SEPTIN7: variants seen among roughly 807,000 people sequenced by gnomAD.
SEPTIN7 encodes septin-7.
SEPTIN7 carries 10 observed loss-of-function variants against 63.3 expected under a neutral mutation model. That is an observed-to-expected ratio of 0.16 (90% confidence interval 0.10 to 0.27). SEPTIN7 has a LOEUF of 0.27. Among genes scored for constraint, SEPTIN7 ranks in the 10% least tolerant of loss-of-function variants. The pLI is 1.00. For synonymous variants in SEPTIN7, 131 were observed against 165.3 expected (o/e 0.79, Z 1.59); for missense variants, 310 against 521.0 (o/e 0.59, Z 3.94).
At chr7:35,810,390 C>A (rs1249907339) in intron 1 of SEPTIN7, among the ~76,000 whole-genome samples, 1 of 149,134 alleles carries the variant, frequency 6.7e-6, no homozygotes, top group Non-Finnish European at 1.5e-5. Flanking sequence ...GTGGCGCGAT[C>A]TCAGCTCATT....
chr7:35,908,182 C>T (rs984856477), downstream of SEPTIN7, among the ~76,000 whole-genome samples: 12 of 152,200 alleles, frequency 7.9e-5, no homozygotes, highest in Non-Finnish European at 1.6e-4. Flanking sequence ...CAGAGTCTCT[C>T]ATCTTTAATG....
intron 3 of SEPTIN7, among the ~76,000 whole-genome samples, chr7:35,856,149 C>G (rs1785191962): frequency 1.3e-5 from 2 of 152,166 alleles, no homozygotes; most frequent in Non-Finnish European, 2.9e-5. Flanking sequence ...AGTTCATACT[C>G]TTATACTAAT....
chr7:35,804,413 G>A (rs1788193467), intron 1 of SEPTIN7, among the ~76,000 whole-genome samples: 1 of 152,184 alleles, frequency 6.6e-6, no homozygotes, highest in African/African-American at 2.4e-5. Context: ...AGGCAGCTTG[G>A]CTGGCATTAA....
intron 1 of SEPTIN7, among the ~76,000 whole-genome samples, chr7:35,805,758 C>CA (rs751771387): frequency 9.1e-4 from 138 of 152,272 alleles, no homozygotes; most frequent in Non-Finnish European, 1.7e-3. Context: ...GCATTTTATT[C>CA]AATGTTTGTT....
intron 5 of SEPTIN7, among the ~76,000 whole-genome samples, chr7:35,873,319 T>C (rs1374642733): frequency 1.3e-5 from 2 of 152,074 alleles, no homozygotes; most frequent in Admixed American, 1.3e-4. Context: ...TTTAAAGTAA[T>C]CTCTCATTTG....
At chr7:35,894,029 C>T (rs1280813105) in intron 11 of SEPTIN7, among the ~76,000 whole-genome samples, 2 of 151,932 alleles carry the variant, frequency 1.3e-5, no homozygotes, top group Non-Finnish European at 2.9e-5. Context: ...AAAGAAAATT[C>T]AGCAAGGGTT....
intron 4 of SEPTIN7, among the ~76,000 whole-genome samples, chr7:35,869,316 GT>G (rs1562562914): frequency 6.6e-6 from 1 of 152,132 alleles, no homozygotes; most frequent in African/African-American, 2.4e-5. Flanking sequence ...AAGCATAACT[GT>G]TTTACTATTG....
At chr7:35,803,429 T>A (rs1273779250) in intron 1 of SEPTIN7, among the ~76,000 whole-genome samples, 3 of 152,162 alleles carry the variant, frequency 2.0e-5, no homozygotes, top group Non-Finnish European at 2.9e-5. Flanking sequence ...AAGAGTTACA[T>A]CTATGGCTTC....
intron 1 of SEPTIN7, among the ~76,000 whole-genome samples, chr7:35,809,744 G>A (rs533300525): frequency 6.6e-6 from 1 of 152,188 alleles, no homozygotes; most frequent in Non-Finnish European, 1.5e-5. Flanking sequence ...TAGGCAACTG[G>A]TATTGCTGTG....
chr7:35,809,107 A>G (rs1468536376), intron 1 of SEPTIN7, among the ~76,000 whole-genome samples: 3 of 152,242 alleles, frequency 2.0e-5, no homozygotes, highest in African/African-American at 7.2e-5. Context: ...TAGAACTTCA[A>G]CAATCAAGTT....
chr7:35,808,861 CA>C (rs1298940835), intron 1 of SEPTIN7, among the ~76,000 whole-genome samples: 4 of 152,064 alleles, frequency 2.6e-5, no homozygotes, highest in African/African-American at 9.7e-5. Flanking sequence ...CATTAATTTC[CA>C]GTGTTTTGCT....
Position 35,830,977 on chromosome 7 carries a change from CA to C in SEPTIN7, c.62-511del, listed in dbSNP as rs199666636. On this transcript the variant is annotated intron_variant, in intron 1 of 13. Coordinates refer to ENST00000350320, the MANE Select transcript of SEPTIN7 (RefSeq NM_001788.6). ...CAGCATTGTATAAAAAGGTTTTAAC[CA>C]AAACATTTGCATTTGTCTGATCTGA... Among the ~76,000 whole-genome samples the C allele has an allele frequency of 8.3e-3, 1,270 of 152,132 alleles. 24 individuals are homozygous for C. Among genetic ancestry groups the C allele is most frequent in the African/African-American group, 0.029 (1,208 of 41,508 alleles).
rs772496083 is a variant in SEPTIN7 at position 35,801,170 on chromosome 7, G to C, written c.-40G>C. The C allele has an allele frequency of 6.9e-7, 1 of 1,459,764 alleles. No individual in the cohort carries two copies. Among genetic ancestry groups the C allele is most frequent in the South Asian group, 1.3e-5 (1 of 75,432 alleles). The allele number at this position is 1,459,764 out of a possible 1,614,324, so 90.4% of individuals were successfully genotyped here. A position where few individuals can be genotyped will look rare whatever the true frequency, so the allele number is the denominator to read the frequency against. On this transcript the variant is annotated 5_prime_UTR_variant, in exon 1 of 14. Transcript: ENST00000350320. ...GTAGGCGCCTTTGGAGAATCGGCGG[G>C]CTGCGCTCCGCTGGGGCTGGTCGCG...
intron 1 of SEPTIN7, among the ~76,000 whole-genome samples, chr7:35,801,528 C>T (rs1432813312): frequency 6.6e-6 from 1 of 151,698 alleles, no homozygotes; most frequent in Non-Finnish European, 1.5e-5. Flanking sequence ...GGCGGGCTGG[C>T]CCCCGGCGCA....
At chr7:35,860,635 ATT>A (rs770855491) in intron 3 of SEPTIN7, among the ~76,000 whole-genome samples, 39 of 152,128 alleles carry the variant, frequency 2.6e-4, no homozygotes, top group Non-Finnish European at 4.6e-4. Flanking sequence ...TGCATTTGAC[ATT>A]TATTTTCTTG....
the SEPTIN7 span, among the ~76,000 whole-genome samples, chr7:35,914,672 TACAC>T: frequency 2.8e-5 from 4 of 142,354 alleles, no homozygotes; most frequent in Non-Finnish European, 4.6e-5. Context: ...TATATATATA[TACAC>T]ACACACACAT....
intron 3 of SEPTIN7, among the ~76,000 whole-genome samples, chr7:35,840,526 C>A (rs942694948): frequency 1.3e-5 from 2 of 151,948 alleles, no homozygotes; most frequent in African/African-American, 4.8e-5. Context: ...AGTCCTCTCT[C>A]CTTGGCTTCC....
chr7:35,875,429 C>T (rs972647702), intron 6 of SEPTIN7, among the ~76,000 whole-genome samples: 2 of 152,124 alleles, frequency 1.3e-5, no homozygotes, highest in African/African-American at 2.4e-5. Context: ...AAATTCCATG[C>T]AGTCTAATAG....
Position 35,863,454 on chromosome 7 carries a change from G to C in SEPTIN7, c.170-98G>C, listed in dbSNP as rs1037426381. 6 of 645,058 alleles carry C rather than the reference G, an allele frequency of 9.3e-6. No homozygotes were observed. In the African/African-American group the frequency reaches 1.1e-4, roughly 12 times the overall value. 40.0% of individuals were successfully genotyped at this position (645,058 alleles called of 1,614,324 possible). On this transcript the variant is annotated intron_variant, in intron 3 of 13. Coordinates refer to ENST00000350320, the MANE Select transcript of SEPTIN7 (RefSeq NM_001788.6). Reference sequence around the variant, plus strand: ...TGTCATTTCATTGTCTCACCAAGAAGTACTTGCATAAGGCAAGTTTGATTA... The same window carrying C: ...TGTCATTTCATTGTCTCACCAAGAACTACTTGCATAAGGCAAGTTTGATTA...
Sources: allele counts gnomAD v4.1 joint callset (sites outside exome capture counted in the v4.1 genomes callset), GRCh38; gene constraint gnomAD v4.1.1; transcripts MANE v1.5; gene names NCBI Gene and HGNC (gene_info 2026-07-23, HGNC 2026-07-21).